ESRRG: variants seen among roughly 807,000 people sequenced by gnomAD.
ESRRG encodes estrogen related receptor gamma.
A neutral mutation model predicts 44.0 loss-of-function variants in ESRRG; 13 were observed. That is an observed-to-expected ratio of 0.30 (90% CI 0.19 to 0.47). The LOEUF is 0.47. Among genes scored for constraint, ESRRG ranks in the 20% least tolerant of loss-of-function variants. ESRRG has a pLI of 1.00. For missense variants in ESRRG, 395 were observed against 580.6 expected (o/e 0.68, Z 3.29); for synonymous variants, 215 against 214.6 (o/e 1.00, Z -0.02).
chr1:217,057,670 A>G (rs1186341137), intron 1 of ESRRG, among the ~76,000 whole-genome samples: 1 of 152,152 alleles, frequency 6.6e-6, no homozygotes, highest in Non-Finnish European at 1.5e-5. Context: ...GGTGAAAAGG[A>G]GGAAAACTGA....
At chr1:216,587,698 A>G (rs1364999002) in intron 3 of ESRRG, among the ~76,000 whole-genome samples, 3 of 152,292 alleles carry the variant, frequency 2.0e-5, no homozygotes, top group Non-Finnish European at 4.4e-5. Context: ...ACCATTTGGA[A>G]AGAAACAAAA....
intron 1 of ESRRG, among the ~76,000 whole-genome samples, chr1:217,049,307 A>T (rs2085467989): frequency 6.6e-6 from 1 of 152,186 alleles, no homozygotes; most frequent in Non-Finnish European, 1.5e-5. Flanking sequence ...TCCAAGAAGG[A>T]GAATGAAGCC....
chr1:216,873,730 C>T (rs911800429), intron 2 of ESRRG, among the ~76,000 whole-genome samples: 4 of 151,244 alleles, frequency 2.6e-5, no homozygotes, highest in African/African-American at 9.7e-5. Flanking sequence ...GTGCTCCACC[C>T]TCTTGGGACC....
At chr1:216,794,684 A>C (rs1223050431) in intron 2 of ESRRG, among the ~76,000 whole-genome samples, 1 of 152,154 alleles carries the variant, frequency 6.6e-6, no homozygotes, top group Non-Finnish European at 1.5e-5. Context: ...TATTAGAATT[A>C]TTACTCCAGA....
intron 3 of ESRRG, among the ~76,000 whole-genome samples, chr1:216,605,794 G>GA (rs1371643337): frequency 6.7e-6 from 1 of 149,312 alleles, no homozygotes; most frequent in African/African-American, 2.5e-5. Flanking sequence ...CTATGAAAGA[G>GA]AAAAGTAAAC....
chr1:216,667,879 T>C (rs1054960385), intron 2 of ESRRG, among the ~76,000 whole-genome samples: 1 of 151,930 alleles, frequency 6.6e-6, no homozygotes, highest in Non-Finnish European at 1.5e-5. Flanking sequence ...GTGGATCAAC[T>C]GAGGTCAGGA....
At chr1:216,576,089 T>C (rs1468299464) in intron 3 of ESRRG, among the ~76,000 whole-genome samples, 1 of 152,042 alleles carries the variant, frequency 6.6e-6, no homozygotes, top group African/African-American at 2.4e-5. Flanking sequence ...AGACAAGGTG[T>C]GTATTTCAAG....
chr1:216,977,373 T>TACAC (rs878951300), intron 1 of ESRRG, among the ~76,000 whole-genome samples: 3 of 145,002 alleles, frequency 2.1e-5, no homozygotes, highest in Admixed American at 2.0e-4. Flanking sequence ...CACACACACA[T>TACAC]ATACATATAG....
chr1:216,911,870 G>A (rs1257148423), intron 2 of ESRRG, among the ~76,000 whole-genome samples: 1 of 151,908 alleles, frequency 6.6e-6, no homozygotes, highest in Admixed American at 6.6e-5. Flanking sequence ...AGGAGTTTGA[G>A]ATCAGCCTGG....
rs1378255898 is a variant in ESRRG at position 216,958,551 on chromosome 1, A to C, written c.-105-18878T>G. On this transcript the variant is annotated intron_variant, in intron 1 of 7. Transcript: ENST00000359162. ...TGAATATATTTCCATATGCTTAGTGACCATTTGTATATCTTCTTCTGTGAG... is the reference window on the plus strand; with the variant it reads ...TGAATATATTTCCATATGCTTAGTGCCCATTTGTATATCTTCTTCTGTGAG... 2.6e-5 allele frequency among the ~76,000 whole-genome samples: 4 copies of C among 152,102 alleles called. No individual in the cohort carries two copies. In the East Asian group the frequency reaches 7.7e-4, roughly 29 times the overall value.
chr1:216,971,784 TA>T (rs1367311880), intron 1 of ESRRG, among the ~76,000 whole-genome samples: 1 of 152,174 alleles, frequency 6.6e-6, no homozygotes, highest in African/African-American at 2.4e-5. Flanking sequence ...CACACACACA[TA>T]AAAGAGTGAC....
intron 1 of ESRRG, among the ~76,000 whole-genome samples, chr1:216,708,955 T>C (rs2820880): frequency 0.99 from 150,929 of 152,190 alleles, 74,852 homozygotes; most frequent in Middle Eastern, 1. Flanking sequence ...CTCAGCAAAC[T>C]AACACAGGAA....
intron 2 of ESRRG, among the ~76,000 whole-genome samples, chr1:216,881,238 C>T (rs1369376973): frequency 6.6e-6 from 1 of 151,950 alleles, no homozygotes; most frequent in Non-Finnish European, 1.5e-5. Flanking sequence ...AGGATATTCT[C>T]CAGATGTATA....
At chr1:216,697,640 A>C (rs752811382) in intron 1 of ESRRG, among the ~76,000 whole-genome samples, 6 of 152,226 alleles carry the variant, frequency 3.9e-5, no homozygotes, top group Non-Finnish European at 5.9e-5. Flanking sequence ...ATTTCAGGGA[A>C]GGTCAAAATA....
In ESRRG at chr1:216,650,959, G is replaced by A. The variant is rs760661411; in HGVS notation, c.589+14C>T. 4 of 1,545,490 alleles carry A rather than the reference G, an allele frequency of 2.6e-6. No individual in the cohort carries two copies. The highest frequency in any genetic ancestry group is 3.6e-6 in the Non-Finnish European group (4 of 1,117,532). On this transcript the variant is annotated intron_variant, in intron 3 of 6. Transcript: ENST00000408911. ...CAAAATCAAAACCTCAGGGGCACTA[G>A]CAAAGAGCCTTACCTTCTTTCAGCA...
At chr1:216,919,818 C>T (rs2061609081) in intron 2 of ESRRG, among the ~76,000 whole-genome samples, 1 of 152,126 alleles carries the variant, frequency 6.6e-6, no homozygotes, top group Admixed American at 6.5e-5. Flanking sequence ...GGTAGGAGAA[C>T]AAGATAATTA....
intron 1 of ESRRG, among the ~76,000 whole-genome samples, chr1:217,006,484 G>A (rs111979160): frequency 3.3e-4 from 50 of 152,178 alleles, no homozygotes; most frequent in South Asian, 1.0e-3. Flanking sequence ...CTACAGTTAC[G>A]TTGGAACTGG....
chr1:216,654,917 A>T (rs548679323), intron 2 of ESRRG, among the ~76,000 whole-genome samples: 1 of 152,216 alleles, frequency 6.6e-6, no homozygotes, highest in Non-Finnish European at 1.5e-5. Flanking sequence ...TTGGAGCTAC[A>T]TTGGAGAAAA....
At chr1:216,869,897 T>A (rs1042445593) in intron 2 of ESRRG, among the ~76,000 whole-genome samples, 1 of 152,078 alleles carries the variant, frequency 6.6e-6, no homozygotes, top group Non-Finnish European at 1.5e-5. Flanking sequence ...GTTAACCTTG[T>A]AACCTGAAAA....
Sources: allele counts gnomAD v4.1 joint callset (sites outside exome capture counted in the v4.1 genomes callset), GRCh38; gene constraint gnomAD v4.1.1; transcripts MANE v1.5; gene names NCBI Gene and HGNC (gene_info 2026-07-23, HGNC 2026-07-21).